The following SIL1 variants were observed in gnomAD, a reference collection of about 807,000 sequenced individuals.
The protein encoded by SIL1 is SIL1 nucleotide exchange factor, also known as nucleotide exchange factor SIL1.
Under a neutral mutation model 49.1 loss-of-function variants are expected in SIL1, and 40 were observed. The ratio of observed to expected loss-of-function variants is 0.81; its 90% CI spans 0.63 to 1.06. The LOEUF is 1.06. Ranked by LOEUF, SIL1 falls within the 50% of genes least tolerant of loss-of-function variation. The pLI is 0.00. For synonymous variants in SIL1, 253 were observed against 250.8 expected (o/e 1.01, Z -0.08); for missense variants, 500 against 572.6 (o/e 0.87, Z 1.29).
chr5:139,040,237 C>G (rs1769007982), intron 5 of SIL1, among the ~76,000 whole-genome samples: 1 of 152,152 alleles, frequency 6.6e-6, no homozygotes, highest in South Asian at 2.1e-4. Flanking sequence ...ATCCCAGTGC[C>G]AGCTCGATGA....
chr5:139,133,515 T>C (rs1750911294), intron 1 of SIL1: 1 of 152,162 alleles, frequency 6.6e-6, no homozygotes, highest in Non-Finnish European at 1.5e-5. Context: ...TTCTCCAGAA[T>C]GGAAAACAAA....
At chr5:139,190,497 G>A (rs1752148413) in intron 1 of SIL1, among the ~76,000 whole-genome samples, 1 of 152,168 alleles carries the variant, frequency 6.6e-6, no homozygotes. Context: ...AAAGCATCCT[G>A]CATCTTTACA....
intron 1 of SIL1, among the ~76,000 whole-genome samples, chr5:139,139,164 C>T (rs553742242): frequency 5.4e-4 from 83 of 152,308 alleles, no homozygotes; most frequent in Non-Finnish European, 9.7e-4. Flanking sequence ...CATCCAGGGA[C>T]TAAGGGTCCC....
chr5:139,008,863 A>T (rs1204649530), intron 7 of SIL1, among the ~76,000 whole-genome samples: 3 of 152,066 alleles, frequency 2.0e-5, no homozygotes, highest in African/African-American at 7.3e-5. Context: ...ACATTTGCTG[A>T]GGAGTGCTTT....
chr5:139,091,872 G>A (rs1398212685), intron 3 of SIL1, among the ~76,000 whole-genome samples: 4 of 152,174 alleles, frequency 2.6e-5, no homozygotes, highest in African/African-American at 4.8e-5. Flanking sequence ...CCACTAAGTT[G>A]GTGGCAATTT....
rs113151955 is a variant in SIL1 at position 139,144,870 on chromosome 5, T to TA, written c.-10-17018dup. On this transcript the variant is annotated intron_variant, in intron 1 of 9. Coordinates refer to ENST00000394817, the MANE Select transcript of SIL1 (RefSeq NM_022464.5). ...TGGGCAACAAAGCAAGCCTCCCATC[T>TA]AAAAAAAAAAAGTTAAAACTATACA... 1.7e-3 allele frequency among the ~76,000 whole-genome samples: 247 copies of TA among 145,134 alleles called. 1 individual carries two copies. Among genetic ancestry groups the TA allele is most frequent in the African/African-American group, 4.4e-3 (174 of 39,690 alleles).
Position 138,947,418 on chromosome 5 carries a change from T to C in SIL1, c.1085A>G (p.Gln362Arg), listed in dbSNP as rs767548703. The change falls in exon 10 of 10, where the codon CAG becomes CGG. Residue 362 changes from glutamine to arginine, a missense_variant. Physicochemically the swap from Gln to Arg is conservative, Grantham distance 43. Coordinates refer to ENST00000394817, the MANE Select transcript of SIL1 (RefSeq NM_022464.5). This position sits in a 1 kb window ranked among gnomAD's most constrained non-coding sequence, Gnocchi z 4.1. ...LTQEMSPEKL[Q>R]QYRQVHLLPG... The stretch of plus-strand genomic sequence containing the variant: ...CAGGAGGTGTACCTGGCGATACTGC[T>C]GCAGCTTCTCTGGGGACATCTCCTG... 1.2e-6 allele frequency: 2 copies of C among 1,613,620 alleles called. No homozygotes were observed.
At chr5:139,017,901 G>A (rs140340742) in intron 7 of SIL1, among the ~76,000 whole-genome samples, 2 of 152,220 alleles carry the variant, frequency 1.3e-5, no homozygotes, top group East Asian at 1.9e-4. Context: ...TCACAGAAAG[G>A]CCAATGAAAG....
intron 7 of SIL1, among the ~76,000 whole-genome samples, chr5:138,982,885 T>G (rs1413156945): frequency 6.6e-6 from 1 of 152,198 alleles, no homozygotes; most frequent in East Asian, 1.9e-4. Context: ...GTCTTCCTCT[T>G]CCTGTGTGCC....
At chr5:139,118,276 C>A (rs2151791789) in intron 3 of SIL1, among the ~76,000 whole-genome samples, 1 of 152,294 alleles carries the variant, frequency 6.6e-6, no homozygotes, top group African/African-American at 2.4e-5. Context: ...GGGACAGAAG[C>A]CTACATGCTC....
At chr5:139,063,560 T>C (rs866097950) in intron 3 of SIL1, among the ~76,000 whole-genome samples, 17 of 152,236 alleles carry the variant, frequency 1.1e-4, no homozygotes, top group African/African-American at 3.4e-4. Flanking sequence ...ACTTGGAAAT[T>C]ACTGAGTCAA....
chr5:139,165,027 TC>T (rs560559932), intron 1 of SIL1, among the ~76,000 whole-genome samples: 137 of 152,288 alleles, frequency 9.0e-4, no homozygotes, highest in African/African-American at 3.2e-3. Context: ...CTATAGAGAA[TC>T]CCCTACCCCC....
chr5:139,083,952 G>C (rs1770151140), intron 3 of SIL1, among the ~76,000 whole-genome samples: 1 of 100,924 alleles, frequency 9.9e-6, no homozygotes. Flanking sequence ...TTTCCCCATT[G>C]CTTGTTTTTC....
Position 138,985,008 on chromosome 5 carries a change from G to C in SIL1, c.768-33124C>G, listed in dbSNP as rs146190228. Among the ~76,000 whole-genome samples the C allele has an allele frequency of 1.1e-3, 160 of 152,332 alleles. 1 individual carries two copies. The highest frequency in any genetic ancestry group is 3.6e-3 in the African/African-American group (151 of 41,564). The stretch of plus-strand genomic sequence containing the variant: ...GAAGCTACAGCCAGAGCAGCTAGAG[G>C]GGCCGAGGTAATGGCAGGACATGGC... On this transcript the variant is annotated intron_variant, in intron 7 of 9. Coordinates refer to ENST00000394817, the MANE Select transcript of SIL1 (RefSeq NM_022464.5).
At chr5:139,118,215 A>G (rs1242990272) in intron 3 of SIL1, among the ~76,000 whole-genome samples, 1 of 152,192 alleles carries the variant, frequency 6.6e-6, no homozygotes, top group African/African-American at 2.4e-5. Flanking sequence ...TTTCATGAAC[A>G]TGCAAGTCTC....
intron 3 of SIL1, among the ~76,000 whole-genome samples, chr5:139,072,724 A>G (rs1769861497): frequency 6.6e-6 from 1 of 152,236 alleles, no homozygotes; most frequent in African/African-American, 2.4e-5. Flanking sequence ...ATTACATCAA[A>G]CTAAAAAGCT....
At chr5:139,162,116 C>T (rs1403132293) in intron 1 of SIL1, among the ~76,000 whole-genome samples, 10 of 152,176 alleles carry the variant, frequency 6.6e-5, no homozygotes, top group South Asian at 2.1e-4. Flanking sequence ...ACAGGCCCTA[C>T]GAAAGGAGAA....
chr5:139,160,087 A>G (rs1044300491), intron 1 of SIL1, among the ~76,000 whole-genome samples: 14 of 151,672 alleles, frequency 9.2e-5, no homozygotes, highest in African/African-American at 3.4e-4. Flanking sequence ...TGACAGTCAC[A>G]GTGGGGTGGG....
At chr5:139,110,589 C>T (rs1384151752) in intron 3 of SIL1, among the ~76,000 whole-genome samples, 1 of 152,020 alleles carries the variant, frequency 6.6e-6, no homozygotes, top group Non-Finnish European at 1.5e-5. Flanking sequence ...AAAACAAAAC[C>T]CCCACATGAA....
Sources: gnomAD v4.1 joint callset for allele counts (sites outside exome capture counted in the v4.1 genomes callset) on GRCh38, gnomAD v4.1.1 for gene constraint, Gnocchi (gnomAD v3.1) non-coding constraint, MANE v1.5 for transcripts, NCBI Gene and HGNC (gene_info 2026-07-23, HGNC 2026-07-21) for gene names.